The following SOX5 variants were observed in gnomAD, a reference collection of about 807,000 sequenced individuals.
The protein encoded by SOX5 is transcription factor SOX-5.
A neutral mutation model predicts 92.0 loss-of-function variants in SOX5; 9 were observed. That is an observed-to-expected ratio of 0.10 (90% CI 0.06 to 0.17). The LOEUF (loss-of-function observed/expected upper bound fraction) is 0.17, where lower values mean the gene tolerates loss of function less well. SOX5 is among the 10% of genes least tolerant of loss of function. The probability of loss-of-function intolerance (pLI) is 1.00; values close to 1 mark genes in which losing one functional copy is unlikely to be tolerated. For synonymous variants in SOX5, 344 were observed against 336.3 expected (o/e 1.02, Z -0.25); for missense variants, 642 against 944.5 (o/e 0.68, Z 4.20).
chr12:23,979,721 T>TTC (rs1949344281), intron 4 of SOX5, among the ~76,000 whole-genome samples: 1 of 118,486 alleles, frequency 8.4e-6, no homozygotes, highest in Non-Finnish European at 1.8e-5. Context: ...TTTTTTTTTT[T>TTC]TTTTTTTTTT....
At chr12:23,926,829 C>G (rs1274518672) in intron 1 of SOX5, among the ~76,000 whole-genome samples, 1 of 151,962 alleles carries the variant, frequency 6.6e-6, no homozygotes, top group African/African-American at 2.4e-5. Flanking sequence ...GCACAATTCT[C>G]AAAATACTTA....
chr12:23,824,275 T>A (rs1025930854), intron 3 of SOX5, among the ~76,000 whole-genome samples: 1 of 152,230 alleles, frequency 6.6e-6, no homozygotes, highest in Admixed American at 6.5e-5. Context: ...TGGTCTTTGA[T>A]GTTGGTGATC....
At chr12:23,761,910 T>G (rs1428340101) in intron 3 of SOX5, among the ~76,000 whole-genome samples, 2 of 152,132 alleles carry the variant, frequency 1.3e-5, no homozygotes, top group Non-Finnish European at 2.9e-5. Context: ...GTTAGTGCAT[T>G]TATTTAACCG....
chr12:24,359,418 G>C lies in SOX5; in HGVS notation c.-174+9145C>G, dbSNP rs11047393. Among the ~76,000 whole-genome samples, 4 of 152,168 alleles carry C rather than the reference G, an allele frequency of 2.6e-5. No individual in the cohort carries two copies. In the East Asian group the frequency reaches 5.8e-4, roughly 22 times the overall value. On this transcript the variant is annotated intron_variant, in intron 2 of 4. Coordinates refer to the SOX5 transcript ENST00000446891. The stretch of plus-strand genomic sequence containing the variant: ...GATAATTTTGACTAATTTATCTACA[G>C]GCATCTTGCTCTTGCTTTCTCCCAC...
intron 4 of SOX5, among the ~76,000 whole-genome samples, chr12:24,150,953 A>G (rs1387725101): frequency 6.6e-6 from 1 of 152,140 alleles, no homozygotes; most frequent in East Asian, 1.9e-4. Context: ...ATTGCACAGG[A>G]GATAAATTTA....
chr12:24,488,272 C>T (rs1047326311), intron 1 of SOX5, among the ~76,000 whole-genome samples: 3 of 152,108 alleles, frequency 2.0e-5, no homozygotes, highest in Admixed American at 2.0e-4. Flanking sequence ...AGATACAATG[C>T]ATGTCTGATC....
In SOX5 at chr12:24,313,727, C is replaced by T. The variant is rs151076814; in HGVS notation, c.-173-36415G>A. On this transcript the variant is annotated intron_variant, in intron 2 of 4. Coordinates refer to the SOX5 transcript ENST00000446891. ...TTTAGCCCTCGTATTCATATTCATA[C>T]GCTCTCTTTCTTTCCATTTTTGTCC... Among the ~76,000 whole-genome samples the T allele has an allele frequency of 7.6e-3, 1,153 of 152,194 alleles. 46 individuals are homozygous for T. The highest frequency in any genetic ancestry group is 0.055 in the Admixed American group (835 of 15,266).
intron 7 of SOX5, among the ~76,000 whole-genome samples, chr12:23,652,715 G>T (rs918639525): frequency 6.6e-6 from 1 of 151,574 alleles, no homozygotes; most frequent in Non-Finnish European, 1.5e-5. Flanking sequence ...CACCCTCCAC[G>T]GCCAATAAAT....
At chr12:23,661,739 T>G (rs1051150704) in intron 7 of SOX5, among the ~76,000 whole-genome samples, 1 of 152,304 alleles carries the variant, frequency 6.6e-6, no homozygotes, top group South Asian at 2.1e-4. Context: ...CAGGAGCAAA[T>G]GGACTGTGTT....
At chr12:24,384,426 T>C (rs1362581109) in intron 1 of SOX5, among the ~76,000 whole-genome samples, 2 of 152,220 alleles carry the variant, frequency 1.3e-5, no homozygotes, top group African/African-American at 4.8e-5. Flanking sequence ...TCCTGCCTTA[T>C]GGTACCTCAC....
At chr12:23,587,731 TATTATTTATA>T (rs1834252251) in intron 9 of SOX5, among the ~76,000 whole-genome samples, 1 of 152,128 alleles carries the variant, frequency 6.6e-6, no homozygotes, top group Admixed American at 6.6e-5. Flanking sequence ...TCCTTAACAC[TATTATTTATA>T]TAGACCTATT....
chr12:23,852,142 G>A (rs889304992), intron 2 of SOX5, among the ~76,000 whole-genome samples: 4 of 152,060 alleles, frequency 2.6e-5, no homozygotes, highest in Non-Finnish European at 5.9e-5. Context: ...TATTAAAAAT[G>A]GATAGAAATT....
At chr12:23,983,105 A>ATTTT (rs62869160) in intron 4 of SOX5, among the ~76,000 whole-genome samples, 1 of 145,144 alleles carries the variant, frequency 6.9e-6, no homozygotes, top group Non-Finnish European at 1.5e-5. Flanking sequence ...TCTGGAGTCC[A>ATTTT]TTTTTTTTTT....
intron 2 of SOX5, among the ~76,000 whole-genome samples, chr12:23,882,711 C>G (rs541367630): frequency 1.3e-5 from 2 of 152,268 alleles, no homozygotes; most frequent in Non-Finnish European, 2.9e-5. Flanking sequence ...AGGTGATTTT[C>G]TCATTTAATG....
chr12:24,212,804 A>C (rs1355988419), intron 4 of SOX5, among the ~76,000 whole-genome samples: 1 of 152,186 alleles, frequency 6.6e-6, no homozygotes, highest in East Asian at 1.9e-4. Context: ...ATTAACTCTC[A>C]TTTCATACAT....
intron 2 of SOX5, among the ~76,000 whole-genome samples, chr12:23,879,393 C>T (rs533466166): frequency 1.3e-4 from 20 of 152,056 alleles, no homozygotes; most frequent in South Asian, 2.1e-4. Flanking sequence ...TTTCAATAAT[C>T]GCTCTTTAAA....
chr12:23,759,030 G>GACACACACAGACACAC (rs2094492556), intron 3 of SOX5, among the ~76,000 whole-genome samples: 1 of 146,234 alleles, frequency 6.8e-6, no homozygotes. Context: ...CACACACACA[G>GACACACACAGACACAC]ACACACACAC....
chr12:24,443,465 A>T (rs796652248), intron 1 of SOX5, among the ~76,000 whole-genome samples: 69 of 152,362 alleles, frequency 4.5e-4, no homozygotes, highest in African/African-American at 1.5e-3. Flanking sequence ...ACTGTTCAGC[A>T]TACCAAACCA....
chr12:24,268,453 C>T (rs370296605), intron 3 of SOX5, among the ~76,000 whole-genome samples: 5 of 151,910 alleles, frequency 3.3e-5, no homozygotes, highest in African/African-American at 9.7e-5. Context: ...AAGAGATTTA[C>T]GTGTACAATA....
Sources: allele counts gnomAD v4.1 joint callset (sites outside exome capture counted in the v4.1 genomes callset), GRCh38; gene constraint gnomAD v4.1.1; transcripts MANE v1.5; gene names NCBI Gene and HGNC (gene_info 2026-07-23, HGNC 2026-07-21).